Variants in CYP46A1 observed in about 807,000 individuals in gnomAD.
The protein encoded by CYP46A1 is cytochrome P450 family 46 subfamily A member 1, also known as cholesterol 24-hydroxylase.
A neutral mutation model predicts 63.3 loss-of-function variants in CYP46A1; 20 were observed. The ratio of observed to expected loss-of-function variants is 0.32; its 90% CI spans 0.22 to 0.46. The LOEUF (loss-of-function observed/expected upper bound fraction) is 0.46. Ranked by LOEUF, CYP46A1 falls within the 20% of genes least tolerant of loss-of-function variation. CYP46A1 has a pLI of 1.00. For missense variants in CYP46A1, 445 were observed against 670.8 expected (o/e 0.66, Z 3.72); for synonymous variants, 268 against 273.6 (o/e 0.98, Z 0.20).
In CYP46A1 at chr14:99,726,716, C is replaced by G; in HGVS notation, c.1492C>G (p.Pro498Ala). The G allele has an allele frequency of 6.5e-7, 1 of 1,528,572 alleles. No individual in the cohort carries two copies. Among genetic ancestry groups the G allele is most frequent in the Non-Finnish European group, 8.8e-7 (1 of 1,135,688 alleles). 94.7% of individuals were successfully genotyped at this position (1,528,572 alleles called of 1,614,324 possible). Residue 498 changes from proline to alanine, a missense_variant, in exon 15 of 15, where the codon CCC (proline) becomes GCC (alanine). This residue lies in a region of CYP46A1 where 85 missense variants were observed against 80.1 expected (regional missense o/e 1.06). Transcript: ENST00000261835. ...CGGCTGGCAGCCCGCACCCCCACCA[C>G]CCCCCTGCTGAGGGGGCCTCCAGGC... Reference protein sequence around the residue: ...PRGWQPAPPPPPC With the variant: ...PRGWQPAPPPAPC
At position 99,722,509 on chromosome 14, in the gene CYP46A1, A is replaced by C. The variant is rs2140141587; in HGVS notation, c.1176+443A>C. 6.6e-6 allele frequency among the ~76,000 whole-genome samples: 1 copy of C among 151,900 alleles called. No individual in the cohort carries two copies. Among genetic ancestry groups the C allele is most frequent in the Non-Finnish European group, 1.5e-5 (1 of 67,972 alleles). The stretch of plus-strand genomic sequence containing the variant: ...TGTCTCTTTGTTTGCTTACTTGTTC[A>C]TTTATCCATTCATCCAGGCATTTAC... On this transcript the variant is annotated intron_variant, in intron 12 of 14. Transcript: ENST00000261835. This position sits in a 1 kb window ranked among gnomAD's most constrained non-coding sequence, Gnocchi z 4.6.
chr14:99,711,185 A>G (rs1272860965), intron 7 of CYP46A1: 1 of 152,164 alleles, frequency 6.6e-6, no homozygotes, highest in Non-Finnish European at 1.5e-5. Flanking sequence ...TTATAACAGT[A>G]AACACTTACA....
intron 3 of CYP46A1, chr14:99,693,054 G>A (rs1201378753): frequency 6.6e-6 from 1 of 152,388 alleles, no homozygotes; most frequent in Non-Finnish European, 1.5e-5. Context: ...CTCTGTTACA[G>A]GGTGGTTGTA....
rs141713812 is a variant in CYP46A1, at chr14:99,708,288, G to A, written c.693+610G>A. 111 of 175,000 alleles carry A rather than the reference G, an allele frequency of 6.3e-4. 1 individual carries two copies. The highest frequency in any genetic ancestry group is 8.9e-4 in the Non-Finnish European group (74 of 82,926). 10.8% of individuals were successfully genotyped at this position (175,000 alleles called of 1,614,324 possible). A position where few individuals can be genotyped will look rare whatever the true frequency, so the allele number is the denominator to read the frequency against. On this transcript the variant is annotated intron_variant, in intron 7 of 14. Coordinates refer to ENST00000261835, the MANE Select transcript of CYP46A1 (RefSeq NM_006668.2). ...ACTGGCCCCCACATGCATCATCCAC[G>A]GGCCTGAGGAATGGTCTACCATGAC...
rs1595211062 is a variant in CYP46A1 at position 99,725,520 on chromosome 14, GAGA to G, written c.1265+44_1265+46del. The G allele has an allele frequency of 1.3e-6, 2 of 1,482,476 alleles. No individual in the cohort carries two copies. Among genetic ancestry groups the G allele is most frequent in the Non-Finnish European group, 9.4e-7 (1 of 1,060,416 alleles). 91.8% of individuals were successfully genotyped at this position (1,482,476 alleles called of 1,614,324 possible). ...AGCTGCCCATGAGTGGGGCTGGCGG[GAGA>G]AGGACAGACACAGCGGCCTCTGGTC... On this transcript the variant is annotated intron_variant, in intron 13 of 14. Transcript: ENST00000261835. This position sits in a 1 kb window ranked among gnomAD's most constrained non-coding sequence, Gnocchi z 4.2.
chr14:99,713,373 T>TGA (rs1192439090), intron 7 of CYP46A1: 1 of 151,018 alleles, frequency 6.6e-6, no homozygotes, highest in Non-Finnish European at 1.5e-5. Context: ...GAGGTTGCAG[T>TGA]GAGCTGAGAT....
intron 9 of CYP46A1, chr14:99,717,796 C>A (rs998216509): frequency 1.4e-5 from 6 of 432,112 alleles, no homozygotes; most frequent in Non-Finnish European, 2.5e-5. Flanking sequence ...TGAATTGTGT[C>A]CCCCCCACTC....
intron 10 of CYP46A1, among the ~76,000 whole-genome samples, chr14:99,718,365 C>T (rs1212593456): frequency 3.9e-5 from 6 of 152,198 alleles, no homozygotes; most frequent in African/African-American, 1.4e-4. Flanking sequence ...AGCCACCCCA[C>T]GTTTCCCCTC....
chr14:99,721,141 C>T, intron 10 of CYP46A1, 98 bp from the exon 11 acceptor site: 1 of 826,604 alleles, frequency 1.2e-6, no homozygotes, highest in Non-Finnish European at 2.1e-6. Flanking sequence ...CCCCATGCGT[C>T]TCTCTTCACG....
At chr14:99,719,698 A>G (rs1187115373) in intron 10 of CYP46A1, among the ~76,000 whole-genome samples, 1 of 150,998 alleles carries the variant, frequency 6.6e-6, no homozygotes, top group Non-Finnish European at 1.5e-5. Flanking sequence ...TCACTCGAAT[A>G]ATGTCCTCCA....
intron 1 of CYP46A1, among the ~76,000 whole-genome samples, chr14:99,688,465 G>A (rs911278356): frequency 6.6e-6 from 1 of 152,028 alleles, no homozygotes; most frequent in Non-Finnish European, 1.5e-5. Context: ...GGGCTCCACT[G>A]AGCAGCTGCC....
chr14:99,719,411 G>A (rs547699941), intron 10 of CYP46A1, among the ~76,000 whole-genome samples: 6 of 142,658 alleles, frequency 4.2e-5, no homozygotes, highest in South Asian at 2.1e-4. Flanking sequence ...TAGTAGAGAC[G>A]GGGTTTTGCC....
intron 10 of CYP46A1, among the ~76,000 whole-genome samples, chr14:99,719,045 C>A (rs893728847): frequency 2.6e-5 from 4 of 152,072 alleles, no homozygotes; most frequent in Non-Finnish European, 5.9e-5. Context: ...CTTTTATTCC[C>A]CATGAGCCTT....
At chr14:99,720,957 T>C (rs1413472404) in intron 10 of CYP46A1, among the ~76,000 whole-genome samples, 2 of 151,966 alleles carry the variant, frequency 1.3e-5, no homozygotes, top group Non-Finnish European at 2.9e-5. Context: ...TGCTGGTGGG[T>C]GCCTGTAATC....
intron 8 of CYP46A1, 51 bp downstream of exon 8, chr14:99,716,011 T>TC: frequency 6.2e-7 from 1 of 1,601,242 alleles, no homozygotes; most frequent in Non-Finnish European, 8.5e-7. Flanking sequence ...GCCAGGACGT[T>TC]CCCCAGGTGA....
chr14:99,716,001 G>GGGGGGGC, intron 8 of CYP46A1, 41 bp downstream of exon 8: 2 of 578,094 alleles, frequency 3.5e-6, no homozygotes, highest in Non-Finnish European at 6.5e-6. Context: ...GGCGGGGTGG[G>GGGGGGGC]CCAGGACGTT....
At chr14:99,721,068 C>T (rs947388498) in intron 10 of CYP46A1, among the ~76,000 whole-genome samples, 171 bp from the exon 11 acceptor site, 12 of 152,136 alleles carry the variant, frequency 7.9e-5, no homozygotes, top group Non-Finnish European at 1.6e-4. Context: ...CCAGCCTGGG[C>T]GACAGAGCAA....
rs754240553 is a variant in CYP46A1 at position 99,722,859 on chromosome 14, C to T, written c.1176+793C>T. 73 of 446,812 alleles carry T rather than the reference C, an allele frequency of 1.6e-4. No homozygotes were observed. Among genetic ancestry groups the T allele is most frequent in the Non-Finnish European group, 3.0e-4 (66 of 220,102 alleles). 27.7% of individuals were successfully genotyped at this position (446,812 alleles called of 1,614,324 possible). ...GTCCCTATCTCGAGCACCACAGCAA[C>T]GATGCCATTTCTGTCCGCATGTCCA... On this transcript the variant is annotated intron_variant, in intron 12 of 14. Transcript: ENST00000261835. This position sits in a 1 kb window ranked among gnomAD's most constrained non-coding sequence, Gnocchi z 4.6.
At chr14:99,687,984 T>G (rs867368416) in intron 1 of CYP46A1, among the ~76,000 whole-genome samples, 1,324 of 11,146 alleles carry the variant, frequency 0.12, 10 homozygotes, top group Non-Finnish European at 0.19. Context: ...AAGGAATGGG[T>G]TTTTTTTCCC....
Sources: gnomAD v4.1 joint callset for allele counts (sites outside exome capture counted in the v4.1 genomes callset) on GRCh38, gnomAD v4.1.1 for gene constraint, gnomAD v4.1.1 regional missense constraint, Gnocchi (gnomAD v3.1) non-coding constraint, MANE v1.5 for transcripts, NCBI Gene and HGNC (gene_info 2026-07-23, HGNC 2026-07-21) for gene names.